The following ADAMTS17 variants were observed in gnomAD, a reference collection of about 807,000 sequenced individuals.
The protein encoded by ADAMTS17 is A disintegrin and metalloproteinase with thrombospondin motifs 17.
Under a neutral mutation model 141.5 loss-of-function variants are expected in ADAMTS17, and 113 were observed. That is an observed-to-expected ratio of 0.80 (90% confidence interval 0.69 to 0.93). The LOEUF (loss-of-function observed/expected upper bound fraction) is 0.93, where lower values mean the gene tolerates loss of function less well. Ranked by LOEUF, ADAMTS17 falls within the 40% of genes least tolerant of loss-of-function variation. The pLI is 0.00. For synonymous variants in ADAMTS17, 768 were observed against 630.6 expected, an observed-to-expected ratio of 1.22 and a Z score of -3.27; for missense variants, 1,659 against 1,517.9, an observed-to-expected ratio of 1.09 and a Z score of -1.54.
chr15:100,291,827 G>A (rs931006202), intron 3 of ADAMTS17, among the ~76,000 whole-genome samples: 2 of 152,140 alleles, frequency 1.3e-5, no homozygotes, highest in African/African-American at 2.4e-5. Context: ...CGACCTATCG[G>A]GTACTATGCT....
intron 18 of ADAMTS17, among the ~76,000 whole-genome samples, chr15:100,041,793 T>C (rs1216900002): frequency 6.6e-6 from 1 of 152,114 alleles, no homozygotes; most frequent in East Asian, 1.9e-4. Flanking sequence ...GTGGTGCTAA[T>C]GGTGTGCAGT....
At chr15:100,075,883 G>C (rs2034336986) in intron 15 of ADAMTS17, among the ~76,000 whole-genome samples, 1 of 152,034 alleles carries the variant, frequency 6.6e-6, no homozygotes, top group African/African-American at 2.4e-5. Context: ...GATTTTCTCT[G>C]TCTGCTTCCA....
At chr15:100,023,331 C>T (rs1437207791) in intron 18 of ADAMTS17, among the ~76,000 whole-genome samples, 7 of 151,644 alleles carry the variant, frequency 4.6e-5, no homozygotes, top group Non-Finnish European at 7.4e-5. Context: ...CCTCCTGAGT[C>T]GTTGGGATTA....
At chr15:100,258,841 A>C (rs2043419944) in intron 6 of ADAMTS17, among the ~76,000 whole-genome samples, 1 of 152,130 alleles carries the variant, frequency 6.6e-6, no homozygotes, top group Non-Finnish European at 1.5e-5. Flanking sequence ...AGAAAGTCTA[A>C]CTCATAGCAT....
chr15:100,046,815 G>A (rs987306934), intron 18 of ADAMTS17, among the ~76,000 whole-genome samples: 13 of 152,096 alleles, frequency 8.5e-5, no homozygotes, highest in Non-Finnish European at 1.0e-4. Context: ...TGATGATTGC[G>A]TTAACTGCAC....
At chr15:100,221,541 G>A (rs1237797899) in intron 7 of ADAMTS17, among the ~76,000 whole-genome samples, 1 of 152,078 alleles carries the variant, frequency 6.6e-6, no homozygotes, top group East Asian at 1.9e-4. Flanking sequence ...CTGAGATAAC[G>A]GAAGTTCTAA....
chr15:100,206,083 C>G (rs981560353), intron 7 of ADAMTS17, among the ~76,000 whole-genome samples: 8 of 152,364 alleles, frequency 5.3e-5, no homozygotes, highest in East Asian at 1.9e-4. Flanking sequence ...CTTTCCCAGA[C>G]CATGGGTGGC....
At chr15:100,135,611 G>C (rs565197266) in intron 10 of ADAMTS17, among the ~76,000 whole-genome samples, 106 of 152,176 alleles carry the variant, frequency 7.0e-4, no homozygotes, top group Non-Finnish European at 7.8e-4. Flanking sequence ...TTACCAAAAG[G>C]CAACTGTAAG....
chr15:99,999,736 C>T (rs1307174903), intron 18 of ADAMTS17, among the ~76,000 whole-genome samples: 7 of 152,230 alleles, frequency 4.6e-5, no homozygotes, highest in Middle Eastern at 3.4e-3. Context: ...GCAGAAGCAG[C>T]GGCAGGGAGA....
chr15:99,989,746 C>A (rs550514839), intron 20 of ADAMTS17, among the ~76,000 whole-genome samples: 1 of 152,314 alleles, frequency 6.6e-6, no homozygotes, highest in South Asian at 2.1e-4. Context: ...AGAAGCCCTA[C>A]TGATAAGACA....
At chr15:100,092,545 G>A (rs575528916) in intron 15 of ADAMTS17, among the ~76,000 whole-genome samples, 4 of 152,248 alleles carry the variant, frequency 2.6e-5, no homozygotes, top group Non-Finnish European at 5.9e-5. Flanking sequence ...CACATTTTAC[G>A]ATTCTTCATC....
intron 15 of ADAMTS17, among the ~76,000 whole-genome samples, chr15:100,091,264 C>A (rs1166968413): frequency 1.3e-5 from 2 of 152,064 alleles, no homozygotes; most frequent in Non-Finnish European, 2.9e-5. Context: ...GATACCACCA[C>A]ACTGCCGAAG....
intron 18 of ADAMTS17, among the ~76,000 whole-genome samples, chr15:100,048,125 C>G (rs1332904989): frequency 6.6e-6 from 1 of 152,120 alleles, no homozygotes; most frequent in Non-Finnish European, 1.5e-5. Context: ...AATGGAAATA[C>G]TAAACACCTA....
At chr15:100,330,850 C>A (rs113580410) in intron 3 of ADAMTS17, 39 bp downstream of exon 3, 13 of 1,608,658 alleles carry the variant, frequency 8.1e-6, no homozygotes, top group South Asian at 1.1e-5. Context: ...GTGGGCTGTG[C>A]GTGTGTTCTA....
rs573088971 is a variant in ADAMTS17, at chr15:100,048,311, G to A, written c.2591+546C>T. Among the ~76,000 whole-genome samples the A allele has an allele frequency of 8.3e-4, 127 of 152,196 alleles. 2 individuals are homozygous for A. In the Middle Eastern group the frequency reaches 0.01, roughly 12 times the overall value. On this transcript the variant is annotated intron_variant, in intron 18 of 21. Transcript: ENST00000268070. ...AAAAGAGGAGGCTTAGCTGATGAAC[G>A]CATTTCACACAATTCATCTCCTGAC... is the stretch of plus-strand genomic sequence containing the variant.
At chr15:100,193,961 C>T (rs79665351) in intron 8 of ADAMTS17, among the ~76,000 whole-genome samples, 3,056 of 152,284 alleles carry the variant, frequency 0.02, 109 homozygotes, top group African/African-American at 0.069. Context: ...TGGTTTGGGC[C>T]GGCTCCCAGG....
intron 4 of ADAMTS17, 119 bp from the exon 5 acceptor site, chr15:100,262,554 A>C: frequency 1.3e-6 from 1 of 746,362 alleles, no homozygotes; most frequent in Non-Finnish European, 2.2e-6. Flanking sequence ...AGGAAATAGA[A>C]ATAAAGCGTA....
At chr15:100,010,146 T>C (rs569907937) in intron 18 of ADAMTS17, among the ~76,000 whole-genome samples, 12 of 152,376 alleles carry the variant, frequency 7.9e-5, no homozygotes, top group African/African-American at 2.9e-4. Context: ...TTTTGGCTTC[T>C]GCCATAACTG....
chr15:100,024,566 C>T (rs1359539722), intron 18 of ADAMTS17, among the ~76,000 whole-genome samples: 1 of 152,146 alleles, frequency 6.6e-6, no homozygotes, highest in African/African-American at 2.4e-5. Context: ...GCTTGGATCT[C>T]TCCGTGATGG....
Sources: gnomAD v4.1 joint callset for allele counts (sites outside exome capture counted in the v4.1 genomes callset) on GRCh38, gnomAD v4.1.1 for gene constraint, MANE v1.5 for transcripts, NCBI Gene and HGNC (gene_info 2026-07-23, HGNC 2026-07-21) for gene names.